The following MAMDC2 variants were observed in gnomAD, a reference collection of about 807,000 sequenced individuals.
MAMDC2 encodes MAM domain-containing protein 2.
Under a neutral mutation model 89.8 loss-of-function variants are expected in MAMDC2, and 57 were observed. The observed-to-expected ratio is 0.63, with a 90% CI of 0.51 to 0.79. The LOEUF (loss-of-function observed/expected upper bound fraction) is 0.79, where lower values mean the gene tolerates loss of function less well. Ranked by LOEUF, MAMDC2 falls within the 30% of genes least tolerant of loss-of-function variation. The pLI, the probability that MAMDC2 is intolerant of heterozygous loss-of-function variation, is 0.00. For synonymous variants in MAMDC2, 313 were observed against 293.4 expected, an observed-to-expected ratio of 1.07 and a Z score of -0.68; for missense variants, 800 against 820.6, an observed-to-expected ratio of 0.97 and a Z score of 0.31.
intron 11 of MAMDC2, among the ~76,000 whole-genome samples, chr9:70,214,772 G>C (rs1407500022): frequency 6.6e-6 from 1 of 152,132 alleles, no homozygotes; most frequent in African/African-American, 2.4e-5. Context: ...TTTAAAGGTA[G>C]AGCCAGTGGG....
chr9:70,093,077 ATG>A (rs913412481), intron 2 of MAMDC2, among the ~76,000 whole-genome samples: 13 of 152,208 alleles, frequency 8.5e-5, no homozygotes, highest in African/African-American at 1.4e-4. Context: ...ATATGTATAT[ATG>A]TGTGTGTGTA....
intron 5 of MAMDC2, among the ~76,000 whole-genome samples, chr9:70,125,073 G>A (rs2030467219): frequency 6.6e-6 from 1 of 152,214 alleles, no homozygotes. Flanking sequence ...TAATTATTCT[G>A]AGCTTGTAAA....
At chr9:70,121,617 T>G in intron 5 of MAMDC2, among the ~76,000 whole-genome samples, 1 of 152,004 alleles carries the variant, frequency 6.6e-6, no homozygotes, top group African/African-American at 2.4e-5. Context: ...CTCTGTGGCC[T>G]GCAGGGTATC....
At chr9:70,124,334 A>G (rs2118332494) in intron 5 of MAMDC2, among the ~76,000 whole-genome samples, 1 of 152,300 alleles carries the variant, frequency 6.6e-6, no homozygotes, top group African/African-American at 2.4e-5. Context: ...AATCAACTTC[A>G]CTCATACACT....
chr9:70,058,456 C>T (rs1183800820), intron 2 of MAMDC2, among the ~76,000 whole-genome samples: 3 of 152,056 alleles, frequency 2.0e-5, no homozygotes, highest in Admixed American at 6.6e-5. Flanking sequence ...ATAGATAACC[C>T]ATATGGAGTG....
At chr9:70,137,958 C>A (rs1472486386) in intron 7 of MAMDC2, among the ~76,000 whole-genome samples, 1 of 152,148 alleles carries the variant, frequency 6.6e-6, no homozygotes, top group East Asian at 1.9e-4. Flanking sequence ...TTGTTACAGG[C>A]ATAGATTGCA....
At chr9:70,195,284 A>G (rs1455181753) in intron 11 of MAMDC2, among the ~76,000 whole-genome samples, 1 of 152,060 alleles carries the variant, frequency 6.6e-6, no homozygotes, top group Non-Finnish European at 1.5e-5. Context: ...CCTGGCTCCT[A>G]TTTAATAACA....
Position 70,143,626 on chromosome 9 carries a change from T to A in MAMDC2, c.1211T>A (p.Leu404Gln). The A allele has an allele frequency of 1.1e-5, 18 of 1,614,204 alleles. No individual in the cohort carries two copies. The highest frequency in any genetic ancestry group is 1.5e-5 in the Non-Finnish European group (18 of 1,180,004). Reference protein sequence around the residue: ...GYIGRLYGPSLPGNLQYCLRF... With the variant: ...GYIGRLYGPSQPGNLQYCLRF... ...ATTGGAAGGCTCTATGGGCCCTCCC[T>A]ACCAGGAAACTTGCAGTATTGTCTG... is the stretch of plus-strand genomic sequence containing the variant. Residue 404 changes from leucine to glutamine, a missense_variant, in exon 9 of 14, where the codon CTA becomes CAA. By Grantham distance (113) the Leu-to-Gln change is moderately radical (BLOSUM62 -2). Transcript: ENST00000377182.
intron 5 of MAMDC2, among the ~76,000 whole-genome samples, chr9:70,125,094 A>C (rs1490566919): frequency 6.6e-6 from 1 of 152,242 alleles, no homozygotes; most frequent in Non-Finnish European, 1.5e-5. Context: ...CAGAAAGGGC[A>C]TTCTGTTGAA....
At chr9:70,131,786 C>T (rs1404903145) in intron 7 of MAMDC2, among the ~76,000 whole-genome samples, 174 bp downstream of exon 7, 1 of 152,210 alleles carries the variant, frequency 6.6e-6, no homozygotes, top group Non-Finnish European at 1.5e-5. Flanking sequence ...TTTCCTCCCT[C>T]ACAGAGGGAA....
chr9:70,120,815 T>A (rs1373469503), intron 5 of MAMDC2, among the ~76,000 whole-genome samples: 1 of 152,220 alleles, frequency 6.6e-6, no homozygotes, highest in Non-Finnish European at 1.5e-5. Flanking sequence ...TTTATCATAG[T>A]AAGGGCCACC....
chr9:70,113,487 C>T (rs1049425711), intron 5 of MAMDC2, among the ~76,000 whole-genome samples: 1 of 152,060 alleles, frequency 6.6e-6, no homozygotes, highest in Admixed American at 6.6e-5. Context: ...TGGAAAAATC[C>T]TAGGTTACTT....
rs1368756164 is a variant in MAMDC2, at chr9:70,210,791, G to A, written c.1652-7546G>A. 8.5e-5 allele frequency among the ~76,000 whole-genome samples: 7 copies of A among 82,500 alleles called. No homozygotes were observed. In the South Asian group the frequency reaches 2.1e-3, roughly 25 times the overall value. The allele number at this position is 82,500 out of a possible 152,430, so 54.1% of individuals were successfully genotyped here. A position where few individuals can be genotyped will look rare whatever the true frequency, so the allele number is the denominator to read the frequency against. ...TACCGGTTGTTCCTTTTCATGTTTA[G>A]TGCTTCCTTCGGGAGCTCTGTAAGA... On this transcript the variant is annotated intron_variant, in intron 11 of 13. Transcript: ENST00000377182.
At chr9:70,051,731 G>A (rs1002357996) in intron 2 of MAMDC2, among the ~76,000 whole-genome samples, 11 of 152,028 alleles carry the variant, frequency 7.2e-5, no homozygotes, top group African/African-American at 1.2e-4. Context: ...CCTGATTTTT[G>A]TGTCTAACAA....
intron 9 of MAMDC2, among the ~76,000 whole-genome samples, chr9:70,160,965 A>C (rs190212051): frequency 3.7e-4 from 57 of 152,268 alleles, no homozygotes; most frequent in African/African-American, 1.3e-3. Flanking sequence ...ACCTAAAGCA[A>C]AATAGGGAAA....
chr9:70,065,660 A>G (rs1379781089), intron 2 of MAMDC2, among the ~76,000 whole-genome samples: 1 of 150,598 alleles, frequency 6.6e-6, no homozygotes. Context: ...ATGATGTTGC[A>G]TTTTGATAGA....
At chr9:70,199,549 C>T (rs1384405957) in intron 11 of MAMDC2, among the ~76,000 whole-genome samples, 4 of 140,240 alleles carry the variant, frequency 2.9e-5, no homozygotes, top group Non-Finnish European at 6.2e-5. Flanking sequence ...GATTTATAGT[C>T]ATTTGGGTAT....
At chr9:70,158,661 A>G (rs1476483415) in intron 9 of MAMDC2, among the ~76,000 whole-genome samples, 1 of 152,024 alleles carries the variant, frequency 6.6e-6, no homozygotes, top group Non-Finnish European at 1.5e-5. Context: ...ATATGTATAT[A>G]CAGTCATGTA....
At chr9:70,168,819 C>G (rs781588219) in intron 10 of MAMDC2, 24 bp downstream of exon 10, 5 of 1,520,218 alleles carry the variant, frequency 3.3e-6, no homozygotes, top group African/African-American at 2.8e-5. Context: ...CATTTTAGCT[C>G]TCTGTCTCTC....
Sources: gnomAD v4.1 joint callset for allele counts (sites outside exome capture counted in the v4.1 genomes callset) on GRCh38, gnomAD v4.1.1 for gene constraint, MANE v1.5 for transcripts, NCBI Gene and HGNC (gene_info 2026-07-23, HGNC 2026-07-21) for gene names.